TRRAP: variants seen among roughly 807,000 people sequenced by gnomAD.
The protein encoded by TRRAP is transformation/transcription domain-associated protein.
Under a neutral mutation model 438.8 loss-of-function variants are expected in TRRAP, and 41 were observed. That is an observed-to-expected ratio of 0.09 (90% confidence interval 0.07 to 0.12). The LOEUF is 0.12. Among genes scored for constraint, TRRAP ranks in the 10% least tolerant of loss-of-function variants. The probability of loss-of-function intolerance (pLI) is 1.00; values close to 1 mark genes in which losing one functional copy is unlikely to be tolerated. For missense variants in TRRAP, 3,122 were observed against 5,055.1 expected, an observed-to-expected ratio of 0.62 and a Z score of 11.60; for synonymous variants, 1,994 against 1,962.9, an observed-to-expected ratio of 1.02 and a Z score of -0.42.
rs112561920 is a variant in TRRAP at position 98,993,255 on chromosome 7, G to A, written c.9848-283G>A. Among the ~76,000 whole-genome samples the A allele has an allele frequency of 4.1e-3, 619 of 152,362 alleles. 2 individuals carry two copies. The highest frequency in any genetic ancestry group is 0.013 in the African/African-American group (522 of 41,584). Reference sequence around the variant, plus strand: ...CCCTCACCTGGACTCACCAGGCGGCGTGTTGTCACATCTGCATCCTCCTAA... The same window carrying A: ...CCCTCACCTGGACTCACCAGGCGGCATGTTGTCACATCTGCATCCTCCTAA... On this transcript the variant is annotated intron_variant, in intron 65 of 72. Transcript: ENST00000456197.
At chr7:98,896,098 T>C (rs1554405678) in intron 7 of TRRAP, among the ~76,000 whole-genome samples, 1 of 152,238 alleles carries the variant, frequency 6.6e-6, no homozygotes, top group African/African-American at 2.4e-5. Context: ...ATAATTCATT[T>C]ACTGGTAAGC....
chr7:99,008,016 A>C (rs543326012), intron 69 of TRRAP, among the ~76,000 whole-genome samples: 1 of 150,820 alleles, frequency 6.6e-6, no homozygotes, highest in Non-Finnish European at 1.5e-5. Context: ...AGTAGAGACG[A>C]GGTTTCACCA....
At position 98,948,790 on chromosome 7, in the gene TRRAP, T is replaced by C. The variant is rs1791198667; in HGVS notation, c.4788+105T>C. 2 of 1,525,400 alleles carry C rather than the reference T, an allele frequency of 1.3e-6. No homozygotes were observed. Among genetic ancestry groups the C allele is most frequent in the East Asian group, 4.6e-5 (2 of 43,134 alleles). The allele number at this position is 1,525,400 out of a possible 1,614,324, so 94.5% of individuals were successfully genotyped here. On this transcript the variant is annotated intron_variant, in intron 35 of 72. Coordinates refer to ENST00000456197, the MANE Select transcript of TRRAP (RefSeq NM_001375524.1). This position sits in a 1 kb window ranked among gnomAD's most constrained non-coding sequence, Gnocchi z 4.9. ...TTTCACTATTCAGTGTCCTGGCTGC[T>C]TTTTTTTCAGATCCATTTGAATATT... is the stretch of plus-strand genomic sequence containing the variant.
chr7:98,909,802 T>C (rs1301330780), intron 14 of TRRAP, among the ~76,000 whole-genome samples: 3 of 140,856 alleles, frequency 2.1e-5, no homozygotes, highest in African/African-American at 7.9e-5. Context: ...CCTTTTCCTT[T>C]ACACGTGGCA....
rs572102279 is a variant in TRRAP at position 98,914,243 on chromosome 7, A to T, written c.2200-1480A>T. Among the ~76,000 whole-genome samples the T allele has an allele frequency of 1.4e-3, 219 of 151,784 alleles. 3 individuals carry two copies. Among genetic ancestry groups the T allele is most frequent in the South Asian group, 6.0e-3 (29 of 4,812 alleles). ...GACCCTATCTCTACAAAATAATTTAAAAAAAAATTAGCTGGATGTGGTGGT... is the reference window on the plus strand; with the variant it reads ...GACCCTATCTCTACAAAATAATTTATAAAAAAATTAGCTGGATGTGGTGGT... On this transcript the variant is annotated intron_variant, in intron 18 of 72. Coordinates refer to ENST00000456197, the MANE Select transcript of TRRAP (RefSeq NM_001375524.1).
chr7:98,895,164 C>T (rs114967894), intron 6 of TRRAP, among the ~76,000 whole-genome samples: 182 of 152,226 alleles, frequency 1.2e-3, no homozygotes, highest in African/African-American at 3.8e-3. Flanking sequence ...TCTTGGCCTC[C>T]CGAAGTGTCA....
intron 51 of TRRAP, among the ~76,000 whole-genome samples, chr7:98,969,163 A>G (rs1158988077): frequency 6.6e-6 from 1 of 152,232 alleles, no homozygotes; most frequent in Non-Finnish European, 1.5e-5. Context: ...TGTCGTTACA[A>G]AATTATTCTT....
rs375596914 is a variant in TRRAP, at chr7:98,959,366, C to T, written c.6365C>T (p.Ala2122Val). ...ACQVNDNTNT[A>V]GSPGEVLSRR... is the part of the protein sequence containing the mutation. The stretch of plus-strand genomic sequence containing the variant: ...TAGGTTAATGACAACACCAACACAG[C>T]GGGGTCCCCTGGGGAGGTGCTCTCT... The change falls in exon 45 of 73, where the codon GCG becomes GTG. Residue 2122 changes from alanine to valine, a missense_variant. Transcript: ENST00000456197. The T allele has an allele frequency of 2.8e-5, 45 of 1,613,836 alleles. No homozygotes were observed. The highest frequency in any genetic ancestry group is 2.4e-4 in the African/African-American group (18 of 74,868).
Position 98,933,335 on chromosome 7 carries a change from C to T in TRRAP, c.3947C>T (p.Thr1316Ile). Residue 1316 changes from threonine (T) to isoleucine (I), a missense_variant, in exon 27 of 73, where the codon ACC (threonine) becomes ATC (isoleucine). Transcript: ENST00000456197. ...IGLMEGNTFC[T>I]TLQPRLFTMD... ...CTGATGGAGGGGAACACGTTCTGTACCACGTTGCAGCCCAGGCTCTTCACA... is the reference window on the plus strand; with the variant it reads ...CTGATGGAGGGGAACACGTTCTGTATCACGTTGCAGCCCAGGCTCTTCACA... 1.2e-6 allele frequency: 2 copies of T among 1,614,168 alleles called. No homozygotes were observed. The highest frequency in any genetic ancestry group is 1.7e-6 in the Non-Finnish European group (2 of 1,180,038).
intron 3 of TRRAP, among the ~76,000 whole-genome samples, chr7:98,889,545 T>C (rs1795869208): frequency 1.6e-5 from 1 of 63,676 alleles, no homozygotes; most frequent in Non-Finnish European, 6.4e-5. Flanking sequence ...CTCCTTTTTT[T>C]TTTTTTTTTT....
Position 98,950,160 on chromosome 7 carries a change from G to T in TRRAP, c.5232G>T (p.Glu1744Asp). Residue 1744 changes from glutamate (E) to aspartate (D), a missense_variant, in exon 38 of 73, where the codon GAG (glutamate) becomes GAT (aspartate). Around this residue, in one of 24 missense-constraint regions of TRRAP, gnomAD observed 272 missense variants for 348.5 expected, o/e 0.78. Coordinates refer to ENST00000456197, the MANE Select transcript of TRRAP (RefSeq NM_001375524.1). Reference protein sequence around the residue: ...CNMTFLKEYMEEEIPKNYSIA... With the variant: ...CNMTFLKEYMDEEIPKNYSIA... ...TGACATTCTTAAAAGAGTATATGGA[G>T]GAAGAGATTCCCAAAAATTACAGCA... 6.2e-7 allele frequency: 1 copy of T among 1,614,218 alleles called. No individual in the cohort carries two copies. Among genetic ancestry groups the T allele is most frequent in the Non-Finnish European group, 8.5e-7 (1 of 1,180,044 alleles).
intron 14 of TRRAP, 95 bp from the exon 15 acceptor site, chr7:98,909,961 G>A (rs1796990400): frequency 1.4e-6 from 2 of 1,468,820 alleles, no homozygotes; most frequent in South Asian, 1.5e-5. Context: ...AGCAGCTGGT[G>A]TCAGTCCCAT....
intron 30 of TRRAP, among the ~76,000 whole-genome samples, chr7:98,940,441 T>A (rs1339068578): frequency 6.6e-6 from 1 of 152,194 alleles, no homozygotes; most frequent in Non-Finnish European, 1.5e-5. Flanking sequence ...CCACTGCGCC[T>A]GGCCCAGCCT....
At chr7:98,977,394 T>G (rs1374752580) in intron 56 of TRRAP, among the ~76,000 whole-genome samples, 2 of 152,160 alleles carry the variant, frequency 1.3e-5, no homozygotes, top group African/African-American at 4.8e-5. Context: ...ACTCCTGACC[T>G]AAGATCCGCC....
At chr7:98,970,516 T>G (rs1584376721) in intron 52 of TRRAP, among the ~76,000 whole-genome samples, 1 of 152,228 alleles carries the variant, frequency 6.6e-6, no homozygotes, top group East Asian at 1.9e-4. Flanking sequence ...TTGTATCAGC[T>G]TTAGATTTGT....
rs1402749073 is a variant in TRRAP, at chr7:98,956,735, G to A, written c.6231+202G>A. 1.3e-5 allele frequency among the ~76,000 whole-genome samples: 2 copies of A among 152,148 alleles called. No homozygotes were observed. Among genetic ancestry groups the A allele is most frequent in the Non-Finnish European group, 2.9e-5 (2 of 68,034 alleles). ...GTCACCAGACATGCTTGCCTCATGC[G>A]TTCAGTTCATACCATTAAAGTTCTG... On this transcript the variant is annotated intron_variant, in intron 43 of 72. Transcript: ENST00000456197. The surrounding 1 kb of genome is among the most constrained non-coding windows in gnomAD (Gnocchi z 4.5).
chr7:98,935,753 C>G (rs1452589683), intron 28 of TRRAP, 78 bp downstream of exon 28: 12 of 1,190,910 alleles, frequency 1.0e-5, no homozygotes, highest in Non-Finnish European at 1.4e-5. Context: ...AAAAAGTGGC[C>G]TTTTGTTGTT....
At chr7:99,001,296 C>T (rs1384745176) in intron 67 of TRRAP, among the ~76,000 whole-genome samples, 3 of 152,200 alleles carry the variant, frequency 2.0e-5, no homozygotes, top group Non-Finnish European at 4.4e-5. Flanking sequence ...AGGGCAAGCC[C>T]GGTCCTCCCC....
intron 3 of TRRAP, among the ~76,000 whole-genome samples, chr7:98,888,243 A>T (rs960690137): frequency 6.6e-6 from 1 of 150,390 alleles, no homozygotes; most frequent in African/African-American, 2.5e-5. Flanking sequence ...AAAAAAAAAA[A>T]GTTGAACTCC....
Sources: allele counts gnomAD v4.1 joint callset (sites outside exome capture counted in the v4.1 genomes callset), GRCh38; gene constraint gnomAD v4.1.1; regional missense constraint gnomAD v4.1.1; non-coding constraint Gnocchi (gnomAD v3.1); transcripts MANE v1.5; gene names NCBI Gene and HGNC (gene_info 2026-07-23, HGNC 2026-07-21).